Variants in COQ10A observed in about 807,000 individuals in gnomAD.
COQ10A encodes coenzyme Q10A.
COQ10A carries 25 observed loss-of-function variants against 26.1 expected under a neutral mutation model. That is an observed-to-expected ratio of 0.96 (90% CI 0.70 to 1.34). The LOEUF (loss-of-function observed/expected upper bound fraction) is 1.34, where lower values mean the gene tolerates loss of function less well. Among genes scored for constraint, COQ10A ranks in the 40% most tolerant of loss-of-function variants. COQ10A has a pLI of 0.00. For synonymous variants in COQ10A, 132 were observed against 124.0 expected, an observed-to-expected ratio of 1.06 and a Z score of -0.43; for missense variants, 312 against 335.4, an observed-to-expected ratio of 0.93 and a Z score of 0.54.
intron 1 of COQ10A, chr12:56,267,470 C>A (rs769820804): frequency 2.6e-5 from 42 of 1,613,080 alleles, no homozygotes; most frequent in Non-Finnish European, 3.6e-5. Context: ...TCGCGGGCGC[C>A]CTGGGGTCCC....
chr12:56,268,759 G>C (rs1872422584), intron 2 of COQ10A: 1 of 282,842 alleles, frequency 3.5e-6, no homozygotes, highest in Non-Finnish European at 6.7e-6. Context: ...TTAAGAGCTG[G>C]GATCTGATCC....
rs146415218 is a variant in COQ10A, at chr12:56,269,742, C to T, written c.576+181C>T. The T allele has an allele frequency of 1.8e-4, 100 of 570,052 alleles. No homozygotes were observed. In the East Asian group the frequency reaches 3.0e-3, roughly 17 times the overall value. The allele number at this position is 570,052 out of a possible 1,614,324, so 35.3% of individuals were successfully genotyped here. On this transcript the variant is annotated intron_variant, in intron 4 of 4. Transcript: ENST00000308197. ...TTCTGGGTTCAAGCGATTTTCCTGC[C>T]TCAGCCTCCCAAGTAGCTGGGATTA... is the stretch of plus-strand genomic sequence containing the variant.
intron 1 of COQ10A, chr12:56,267,577 C>A: frequency 9.0e-7 from 1 of 1,110,422 alleles, no homozygotes. Context: ...TTTTTCTCAT[C>A]CCCCTCACCC....
At position 56,267,162 on chromosome 12, in the gene COQ10A, C is replaced by T; in HGVS notation, c.44C>T (p.Ala15Val). 1 of 1,342,376 alleles carries T rather than the reference C, an allele frequency of 7.4e-7. No homozygotes were observed. Among genetic ancestry groups the T allele is most frequent in the Non-Finnish European group, 9.5e-7 (1 of 1,053,406 alleles). 83.2% of individuals were successfully genotyped at this position (1,342,376 alleles called of 1,614,324 possible). A position where few individuals can be genotyped will look rare whatever the true frequency, so the allele number is the denominator to read the frequency against. Residue 15 changes from alanine to valine, a missense_variant, in exon 1 of 5, where the codon GCG becomes GTG. By Grantham distance (64) the Ala-to-Val change is moderately conservative (BLOSUM62 0). Coordinates refer to ENST00000308197, the MANE Select transcript of COQ10A (RefSeq NM_144576.4). The stretch of plus-strand genomic sequence containing the variant: ...CGGCGGGTCCCAGCTGGGACGCGCG[C>T]GGCAGCCGAGCGCTGCTGCCGGCTC... ...GSRRVPAGTR[A>V]AAERCCRLSL...
intron 4 of COQ10A, 57 bp downstream of exon 4, chr12:56,269,618 G>C: frequency 8.5e-7 from 1 of 1,177,424 alleles, no homozygotes; most frequent in Non-Finnish European, 1.3e-6. Context: ...AAGGGCTGGG[G>C]TACTGTGACA....
rs1872482325 is a variant in COQ10A at position 56,270,367 on chromosome 12, TTC to T, written c.*54_*55del. The T allele has an allele frequency of 1.9e-6, 3 of 1,553,436 alleles. No individual in the cohort carries two copies. The highest frequency in any genetic ancestry group is 1.4e-5 in the African/African-American group (1 of 73,138). ...CCTTCTACCCCACTTCCCTACACAA[TTC>T]TCTTATTTATTTGGTTTGGCTCCTG... On this transcript the variant is annotated 3_prime_UTR_variant, in exon 5 of 5. Coordinates refer to ENST00000308197, the MANE Select transcript of COQ10A (RefSeq NM_144576.4).
At chr12:56,267,773 T>C (rs1377614514) in intron 1 of COQ10A, 21 bp from the exon 2 acceptor site, 1 of 1,614,112 alleles carries the variant, frequency 6.2e-7, no homozygotes, top group South Asian at 1.1e-5. Flanking sequence ...TACGGTTGGC[T>C]CCTCTTTCCT....
intron 1 of COQ10A, 147 bp downstream of exon 1, chr12:56,267,399 C>CTTT (rs752322439): frequency 6.2e-7 from 1 of 1,613,944 alleles, no homozygotes; most frequent in South Asian, 1.1e-5. Flanking sequence ...TTGGATAATG[C>CTTT]TTTTGCAAGT....
chr12:56,268,910 T>C (rs1872426011), intron 2 of COQ10A, 149 bp from the exon 3 acceptor site: 2 of 645,090 alleles, frequency 3.1e-6, no homozygotes, highest in Non-Finnish European at 5.6e-6. Flanking sequence ...ACACGTTTGC[T>C]TTTGGGAAGT....
At chr12:56,268,979 A>G in intron 2 of COQ10A, 80 bp from the exon 3 acceptor site, 1 of 1,158,248 alleles carries the variant, frequency 8.6e-7, no homozygotes, top group East Asian at 2.4e-5. Flanking sequence ...TAGTGGGCAA[A>G]GGTATGAATT....
At position 56,267,075 on chromosome 12, in the gene COQ10A, C is replaced by G. The variant is rs954347948; in HGVS notation, c.-44C>G. Reference sequence around the variant, plus strand: ...CGCTCCGCCTTTGGAGTGAGGAGGGCGCAGCCCGCGTCAGAACTTAGAGGG... The same window carrying G: ...CGCTCCGCCTTTGGAGTGAGGAGGGGGCAGCCCGCGTCAGAACTTAGAGGG... On this transcript the variant is annotated 5_prime_UTR_variant, in exon 1 of 5. Coordinates refer to ENST00000308197, the MANE Select transcript of COQ10A (RefSeq NM_144576.4). 2 of 1,258,104 alleles carry G rather than the reference C, an allele frequency of 1.6e-6. No homozygotes were observed. Among genetic ancestry groups the G allele is most frequent in the East Asian group, 3.3e-5 (1 of 30,232 alleles). 77.9% of individuals were successfully genotyped at this position (1,258,104 alleles called of 1,614,324 possible).
intron 1 of COQ10A, 40 bp downstream of exon 1, chr12:56,267,292 TGCGAACCCCGGGGTTCCGCG>T (rs1872377608): frequency 6.3e-7 from 1 of 1,592,284 alleles, no homozygotes; most frequent in South Asian, 1.1e-5. Context: ...AGGGGGTCGC[TGCGAACCCCGGGGTTCCGCG>T]GTGGAGGGGT....
Position 56,269,579 on chromosome 12 carries a change from G to C in COQ10A, c.576+18G>C, listed in dbSNP as rs754609009. The C allele has an allele frequency of 6.5e-7, 1 of 1,549,988 alleles. No individual in the cohort carries two copies. Among genetic ancestry groups the C allele is most frequent in the African/African-American group, 1.4e-5 (1 of 73,542 alleles). On this transcript the variant is annotated intron_variant, in intron 4 of 4. Transcript: ENST00000308197. ...ACTTTTCGGTGAGTCAGGAGGTTGT[G>C]TAGCAGAGGACGAGGACTGGGTATG...
chr12:56,268,915 G>A (rs1239741848), intron 2 of COQ10A, 144 bp from the exon 3 acceptor site: 1 of 653,448 alleles, frequency 1.5e-6, no homozygotes, highest in African/African-American at 1.8e-5. Context: ...TTTGCTTTTG[G>A]GAAGTTATTC....
In COQ10A at chr12:56,267,846, G is replaced by A. The variant is rs1339384661; in HGVS notation, c.187G>A (p.Ala63Thr). The A allele has an allele frequency of 6.2e-7, 1 of 1,614,100 alleles. No individual in the cohort carries two copies. Among genetic ancestry groups the A allele is most frequent in the African/African-American group, 1.3e-5 (1 of 74,932 alleles). The change falls in exon 2 of 5, where the codon GCT (alanine) becomes ACT (threonine). Residue 63 changes from alanine (A) to threonine (T), a missense_variant. By Grantham distance (58) the Ala-to-Thr change is moderately conservative. Coordinates refer to ENST00000308197, the MANE Select transcript of COQ10A (RefSeq NM_144576.4). Reference protein sequence around the residue: ...LLPRAAQILAAEAGLPSSRSF... With the variant: ...LLPRAAQILATEAGLPSSRSF... ...GCCTCGGGCTGCCCAGATCTTGGCG[G>A]CTGAGGCTGGCTTACCTTCGAGCCG...
rs1411969795 is a variant in COQ10A, at chr12:56,267,266, G to T, written c.134+14G>T. 2 of 1,562,014 alleles carry T rather than the reference G, an allele frequency of 1.3e-6. No homozygotes were observed. Among genetic ancestry groups the T allele is most frequent in the Admixed American group, 1.8e-5 (1 of 54,576 alleles). ...GCGACCAATGAGGTGAGAGGGAGGT[G>T]ACCGCGGCTGAGGGCAGGGGGTCGC... On this transcript the variant is annotated intron_variant, in intron 1 of 4. Coordinates refer to ENST00000308197, the MANE Select transcript of COQ10A (RefSeq NM_144576.4).
chr12:56,268,514 G>A (rs1249298830), intron 2 of COQ10A: 4 of 158,264 alleles, frequency 2.5e-5, no homozygotes, highest in Admixed American at 2.4e-4. Context: ...TATTTTTCTG[G>A]TGACCATTTA....
At position 56,269,530 on chromosome 12, in the gene COQ10A, C is replaced by T. The variant is rs368538581; in HGVS notation, c.545C>T (p.Ala182Val). 1.4e-5 allele frequency: 23 copies of T among 1,613,976 alleles called. No individual in the cohort carries two copies. The highest frequency in any genetic ancestry group is 1.9e-5 in the Non-Finnish European group (23 of 1,179,948). ...TIWRFSPGIP[A>V]YPRTCTVDFS... ...TGGCGATTCAGCCCTGGTATTCCTGCCTATCCTCGAACCTGCACTGTGGAC... is the reference window on the plus strand; with the variant it reads ...TGGCGATTCAGCCCTGGTATTCCTGTCTATCCTCGAACCTGCACTGTGGAC... Residue 182 changes from alanine to valine, a missense_variant, in exon 4 of 5, where the codon GCC (alanine) becomes GTC (valine). Ala to Val is a moderately conservative substitution (Grantham distance 64, BLOSUM62 0). Transcript: ENST00000308197.
In COQ10A at chr12:56,270,244, G is replaced by C. The variant is rs369959031; in HGVS notation, c.671G>C (p.Arg224Pro). ...VKQNVAAFER[R>P]AATKFGPETA... The stretch of plus-strand genomic sequence containing the variant: ...CAGAATGTTGCTGCCTTTGAGCGTC[G>C]GGCAGCCACCAAGTTTGGTCCAGAA... Residue 224 changes from arginine (R) to proline (P), a missense_variant, in exon 5 of 5, where the codon CGG becomes CCG. Coordinates refer to ENST00000308197, the MANE Select transcript of COQ10A (RefSeq NM_144576.4). 28 of 1,613,880 alleles carry C rather than the reference G, an allele frequency of 1.7e-5. No homozygotes were observed. Among genetic ancestry groups the C allele is most frequent in the Non-Finnish European group, 2.4e-5 (28 of 1,179,988 alleles).
Sources: gnomAD v4.1 joint callset for allele counts on GRCh38, gnomAD v4.1.1 for gene constraint, MANE v1.5 for transcripts, NCBI Gene and HGNC (gene_info 2026-07-23, HGNC 2026-07-21) for gene names.